MYO1H: variants seen among roughly 807,000 people sequenced by gnomAD.
The protein encoded by MYO1H is unconventional myosin-Ih.
Under a neutral mutation model 149.3 loss-of-function variants are expected in MYO1H, and 118 were observed. That is an observed-to-expected ratio of 0.79 (90% CI 0.68 to 0.92). The LOEUF (loss-of-function observed/expected upper bound fraction) is 0.92, where lower values mean the gene tolerates loss of function less well. Ranked by LOEUF, MYO1H falls within the 40% of genes least tolerant of loss-of-function variation. The probability of loss-of-function intolerance (pLI) is 0.00; values close to 1 mark genes in which losing one functional copy is unlikely to be tolerated. For synonymous variants in MYO1H, 447 were observed against 465.2 expected (o/e 0.96, Z 0.50); for missense variants, 1,212 against 1,280.7 (o/e 0.95, Z 0.82).
chr12:109,372,844 A>C (rs1025014554), intron 1 of MYO1H, among the ~76,000 whole-genome samples: 3 of 151,738 alleles, frequency 2.0e-5, no homozygotes, highest in Admixed American at 6.6e-5. Flanking sequence ...AGTTGAACTT[A>C]GGTAAATTAA....
the MYO1H span, among the ~76,000 whole-genome samples, chr12:109,321,291 G>T: frequency 6.6e-6 from 1 of 152,060 alleles, no homozygotes; most frequent in Admixed American, 6.6e-5. Context: ...GGTGGCTCAC[G>T]CCTGTAATCC....
chr12:109,426,274 A>C (rs1871349853), intron 18 of MYO1H, among the ~76,000 whole-genome samples: 1 of 152,200 alleles, frequency 6.6e-6, no homozygotes, highest in Admixed American at 6.5e-5. Context: ...ACTTGAACCC[A>C]GGAATTGGAA....
intron 1 of MYO1H, among the ~76,000 whole-genome samples, chr12:109,357,983 G>A (rs1868646534): frequency 6.6e-6 from 1 of 151,954 alleles, no homozygotes; most frequent in African/African-American, 2.4e-5. Flanking sequence ...TGGGGCCATG[G>A]GCCATCATTT....
At chr12:109,338,710 G>A in the MYO1H span, among the ~76,000 whole-genome samples, 1 of 147,002 alleles carries the variant, frequency 6.8e-6, no homozygotes, top group African/African-American at 2.5e-5. Flanking sequence ...AGGTTGCAGC[G>A]AGCTGAGATT....
At chr12:109,312,355 G>C in the MYO1H span, among the ~76,000 whole-genome samples, 38 of 152,168 alleles carry the variant, frequency 2.5e-4, no homozygotes, top group African/African-American at 9.2e-4. Context: ...TGGGACTACA[G>C]GCGCCTGCCA....
chr12:109,401,400 C>G lies in MYO1H; in HGVS notation c.750+128C>G. On this transcript the variant is annotated intron_variant, in intron 6 of 31. Transcript: ENST00000310903. Reference sequence around the variant, plus strand: ...TGCTATGTGTCCTATTGGCTGATTTCTCCATATATATATCACAAGCAATCT... The same window carrying G: ...TGCTATGTGTCCTATTGGCTGATTTGTCCATATATATATCACAAGCAATCT... 5 of 922,298 alleles carry G rather than the reference C, an allele frequency of 5.4e-6. No homozygotes were observed. In the South Asian group the frequency reaches 9.5e-5, roughly 17 times the overall value. 57.1% of individuals were successfully genotyped at this position (922,298 alleles called of 1,614,324 possible).
At chr12:109,407,605 A>G (rs890324631) in intron 9 of MYO1H, among the ~76,000 whole-genome samples, 189 bp from the exon 10 acceptor site, 4 of 134,214 alleles carry the variant, frequency 3.0e-5, no homozygotes, top group Non-Finnish European at 5.9e-5. Flanking sequence ...TTCTACAAAA[A>G]AAAAAAAAAA....
exon 7 of MYO1H, chr12:109,403,986 A>T (rs773784183): frequency 6.2e-7 from 1 of 1,612,758 alleles, no homozygotes; most frequent in East Asian, 2.2e-5. Flanking sequence ...CAACAGGGTC[A>T]TTGTGCCAAA....
At chr12:109,439,482 A>G in intron 23 of MYO1H, 149 bp from the exon 24 acceptor site, 2 of 282,848 alleles carry the variant, frequency 7.1e-6, no homozygotes, top group Non-Finnish European at 1.2e-5. Flanking sequence ...AATCGAACAT[A>G]TATGTGGGGC....
At chr12:109,405,351 G>A (rs929538243) in intron 7 of MYO1H, among the ~76,000 whole-genome samples, 11 of 152,050 alleles carry the variant, frequency 7.2e-5, no homozygotes, top group African/African-American at 2.2e-4. Flanking sequence ...TTGCTCTGTC[G>A]CCAGGCAGGA....
intron 14 of MYO1H, 50 bp downstream of exon 14, chr12:109,412,035 T>A: frequency 3.1e-6 from 4 of 1,280,362 alleles, no homozygotes; most frequent in Non-Finnish European, 4.4e-6. Context: ...TGATTGTGTC[T>A]CCATTTTCTT....
upstream of MYO1H, chr12:109,347,770 T>C: frequency 2.6e-6 from 1 of 391,092 alleles, no homozygotes; most frequent in Non-Finnish European, 4.5e-6. Flanking sequence ...TGTGCCTACA[T>C]GTAGACGGCC....
At chr12:109,403,872 G>T in intron 6 of MYO1H, 110 bp from the exon 7 acceptor site, 1 of 624,692 alleles carries the variant, frequency 1.6e-6, no homozygotes, top group South Asian at 2.4e-5. Flanking sequence ...TTTTTGATTC[G>T]CAATTCAGTA....
At chr12:109,412,507 C>T (rs1047683752) in intron 14 of MYO1H, among the ~76,000 whole-genome samples, 4 of 152,094 alleles carry the variant, frequency 2.6e-5, no homozygotes, top group Admixed American at 1.3e-4. Context: ...ATTCAGTGAT[C>T]ATTATATTTT....
chr12:109,432,791 G>A (rs1566040677), intron 19 of MYO1H, 106 bp from the exon 20 acceptor site: 2 of 848,996 alleles, frequency 2.4e-6, no homozygotes. Flanking sequence ...ACACTGAGTG[G>A]CCGACATGCC....
the MYO1H span, among the ~76,000 whole-genome samples, chr12:109,342,582 A>C: frequency 7.4e-6 from 1 of 134,264 alleles, no homozygotes; most frequent in Admixed American, 8.7e-5. Context: ...ATGCTCTGTC[A>C]CACAGGCTGG....
At chr12:109,386,643 T>G (rs549166881) in intron 1 of MYO1H, among the ~76,000 whole-genome samples, 27 of 152,392 alleles carry the variant, frequency 1.8e-4, no homozygotes, top group African/African-American at 6.0e-4. Context: ...TCTATCTTCC[T>G]TTGTGAAGTG....
intron 1 of MYO1H, among the ~76,000 whole-genome samples, chr12:109,361,265 C>A (rs1232583404): frequency 6.6e-6 from 1 of 152,088 alleles, no homozygotes; most frequent in African/African-American, 2.4e-5. Context: ...ATGTAGTAAC[C>A]ATCCAGGTAA....
intron 15 of MYO1H, 141 bp downstream of exon 15, chr12:109,415,761 CTT>C (rs1171566757): frequency 2.0e-6 from 1 of 491,120 alleles, no homozygotes; most frequent in Admixed American, 3.7e-5. Flanking sequence ...TTGAAAAAGT[CTT>C]TCTAATTGTA....
Sources: gnomAD v4.1 joint callset for allele counts (sites outside exome capture counted in the v4.1 genomes callset) on GRCh38, gnomAD v4.1.1 for gene constraint, MANE v1.5 for transcripts, NCBI Gene and HGNC (gene_info 2026-07-23, HGNC 2026-07-21) for gene names.